The following CSMD1 variants were observed in gnomAD, a reference collection of about 807,000 sequenced individuals.
CSMD1 encodes CUB and Sushi multiple domains 1, also known as CUB and sushi domain-containing protein 1.
CSMD1 carries 213 observed loss-of-function variants against 417.5 expected under a neutral mutation model. The ratio of observed to expected loss-of-function variants is 0.51; its 90% CI spans 0.46 to 0.57. The LOEUF (loss-of-function observed/expected upper bound fraction) is 0.57. CSMD1 is among the 20% of genes least tolerant of loss of function. The pLI is 0.00. For missense variants in CSMD1, 6,923 were observed against 4,529.7 expected, an observed-to-expected ratio of 1.53 and a Z score of -15.17; for synonymous variants, 2,862 against 1,736.8, an observed-to-expected ratio of 1.65 and a Z score of -16.11.
Position 4,867,029 on chromosome 8 carries a change from C to T in CSMD1, c.85+127303G>A, listed in dbSNP as rs138203113. ...CTCAATTCTCGGCAGGCTTTGATTG[C>T]GTTTTTGTTTTTTGCTCAAATTAAG... is the stretch of plus-strand genomic sequence containing the variant. On this transcript the variant is annotated intron_variant, in intron 1 of 69. Transcript: ENST00000635120. Among the ~76,000 whole-genome samples, 117 of 151,992 alleles carry T rather than the reference C, an allele frequency of 7.7e-4. 2 individuals carry two copies. The East Asian group carries it at 0.019, about 24-fold the overall frequency.
chr8:4,071,281 T>A (rs192687746), intron 3 of CSMD1, among the ~76,000 whole-genome samples: 1 of 152,312 alleles, frequency 6.6e-6, no homozygotes, highest in East Asian at 1.9e-4. Flanking sequence ...TTATATTTTT[T>A]CAGTCTTATT....
In CSMD1 at chr8:3,760,828, A is replaced by G. The variant is rs113892436; in HGVS notation, c.819-6786T>C. 2.1e-3 allele frequency among the ~76,000 whole-genome samples: 323 copies of G among 152,318 alleles called. 3 individuals are homozygous for G. Among genetic ancestry groups the G allele is most frequent in the African/African-American group, 7.4e-3 (307 of 41,570 alleles). On this transcript the variant is annotated intron_variant, in intron 5 of 69. Coordinates refer to ENST00000635120, the MANE Select transcript of CSMD1 (RefSeq NM_033225.6). ...TATGATGACTCAGAAGCCAGAAAGC[A>G]TTACTGCTATTGGGAGAGGCTTTAA...
At chr8:4,169,910 A>G (rs1030322036) in intron 3 of CSMD1, among the ~76,000 whole-genome samples, 3 of 149,652 alleles carry the variant, frequency 2.0e-5, no homozygotes, top group South Asian at 2.1e-4. Context: ...TGTTTCCACT[A>G]TTATTATAGA....
chr8:4,075,226 C>G (rs1416526837), intron 3 of CSMD1, among the ~76,000 whole-genome samples: 1 of 151,982 alleles, frequency 6.6e-6, no homozygotes, highest in Non-Finnish European at 1.5e-5. Context: ...CTAGTATGTG[C>G]AGCTTAAGGA....
intron 5 of CSMD1, among the ~76,000 whole-genome samples, chr8:3,903,441 C>A (rs972252518): frequency 6.6e-6 from 1 of 152,072 alleles, no homozygotes; most frequent in African/African-American, 2.4e-5. Context: ...TTAACATACA[C>A]ATTATGTAAA....
At chr8:3,561,487 A>G (rs1799464179) in intron 10 of CSMD1, among the ~76,000 whole-genome samples, 1 of 152,248 alleles carries the variant, frequency 6.6e-6, no homozygotes, top group African/African-American at 2.4e-5. Flanking sequence ...TGGATGGAAC[A>G]GAATGTCATT....
chr8:4,933,551 T>G (rs915070845), intron 1 of CSMD1, among the ~76,000 whole-genome samples: 16 of 152,186 alleles, frequency 1.1e-4, no homozygotes, highest in Non-Finnish European at 2.4e-4. Flanking sequence ...TTTCGAAAAG[T>G]AGCACTTTGA....
chr8:3,980,536 T>TTG (rs1813777032), intron 5 of CSMD1, among the ~76,000 whole-genome samples: 1 of 139,826 alleles, frequency 7.2e-6, no homozygotes, highest in Non-Finnish European at 1.6e-5. Context: ...TTTAGATTTG[T>TTG]CGTCTCTCTT....
At chr8:4,761,110 C>T (rs1461210149) in intron 1 of CSMD1, among the ~76,000 whole-genome samples, 1 of 151,890 alleles carries the variant, frequency 6.6e-6, no homozygotes, top group Non-Finnish European at 1.5e-5. Context: ...TAAATGTATT[C>T]AGTGAATATG....
At chr8:4,745,177 T>A (rs1328367063) in intron 1 of CSMD1, among the ~76,000 whole-genome samples, 2 of 152,182 alleles carry the variant, frequency 1.3e-5, no homozygotes, top group Non-Finnish European at 1.5e-5. Flanking sequence ...TAAGTTCTAA[T>A]CAATGAAACC....
chr8:4,201,095 C>T (rs1034384663), intron 3 of CSMD1, among the ~76,000 whole-genome samples: 2 of 152,130 alleles, frequency 1.3e-5, no homozygotes, highest in Non-Finnish European at 2.9e-5. Context: ...CAATGTCTTA[C>T]CTTTCAGAGA....
At chr8:4,179,274 C>T (rs1225379636) in intron 3 of CSMD1, among the ~76,000 whole-genome samples, 1 of 152,080 alleles carries the variant, frequency 6.6e-6, no homozygotes, top group Non-Finnish European at 1.5e-5. Context: ...AATAATGCCA[C>T]GTATCTACAA....
intron 3 of CSMD1, among the ~76,000 whole-genome samples, chr8:4,353,373 C>T (rs762913333): frequency 2.6e-5 from 4 of 152,254 alleles, no homozygotes; most frequent in African/African-American, 7.2e-5. Context: ...GATTGTGAGG[C>T]CTCCCCAGCC....
chr8:3,955,149 A>G (rs1811855615), intron 5 of CSMD1, among the ~76,000 whole-genome samples: 2 of 152,198 alleles, frequency 1.3e-5, no homozygotes. Context: ...ACGGGAAGAC[A>G]GAAGCACTGA....
chr8:4,410,326 G>C (rs1160495125), intron 3 of CSMD1, among the ~76,000 whole-genome samples: 3 of 152,106 alleles, frequency 2.0e-5, no homozygotes, highest in Non-Finnish European at 4.4e-5. Flanking sequence ...CCAGCACAAT[G>C]GTCACACTCA....
chr8:3,012,092 A>G (rs1479131325), intron 52 of CSMD1, among the ~76,000 whole-genome samples: 2 of 152,216 alleles, frequency 1.3e-5, no homozygotes, highest in Non-Finnish European at 2.9e-5. Context: ...GATCCCAGTA[A>G]TAACGCAGGA....
At chr8:3,159,020 G>C (rs752806600) in intron 38 of CSMD1, among the ~76,000 whole-genome samples, 17 of 152,136 alleles carry the variant, frequency 1.1e-4, no homozygotes, top group Non-Finnish European at 2.2e-4. Context: ...ATTTTTAAAA[G>C]TAGTTACAGT....
At chr8:4,737,591 C>T (rs1810329341) in intron 1 of CSMD1, among the ~76,000 whole-genome samples, 1 of 152,170 alleles carries the variant, frequency 6.6e-6, no homozygotes, top group Non-Finnish European at 1.5e-5. Flanking sequence ...TCACCTTCTT[C>T]ATCTCTATCT....
chr8:4,165,056 T>C (rs916363703), intron 3 of CSMD1, among the ~76,000 whole-genome samples: 4 of 152,326 alleles, frequency 2.6e-5, no homozygotes, highest in South Asian at 4.1e-4. Context: ...AGAGGCTGTG[T>C]AGACAGTGAA....
Sources: gnomAD v4.1 joint callset for allele counts (sites outside exome capture counted in the v4.1 genomes callset) on GRCh38, gnomAD v4.1.1 for gene constraint, MANE v1.5 for transcripts, NCBI Gene and HGNC (gene_info 2026-07-23, HGNC 2026-07-21) for gene names.